The following PCDHGA3 variants were observed in gnomAD, a reference collection of about 807,000 sequenced individuals.
The protein encoded by PCDHGA3 is protocadherin gamma subfamily A, 3, also known as protocadherin gamma-A3.
A neutral mutation model predicts 58.5 loss-of-function variants in PCDHGA3; 40 were observed. The observed-to-expected ratio is 0.68, with a 90% CI of 0.53 to 0.89. The LOEUF (loss-of-function observed/expected upper bound fraction) is 0.89, where lower values mean the gene tolerates loss of function less well. Ranked by LOEUF, PCDHGA3 falls within the 40% of genes least tolerant of loss-of-function variation. The pLI is 0.00. For missense variants in PCDHGA3, 1,223 were observed against 1,195.9 expected, an observed-to-expected ratio of 1.02 and a Z score of -0.33; for synonymous variants, 530 against 525.7, an observed-to-expected ratio of 1.01 and a Z score of -0.11.
At chr5:141,366,170 C>T in intron 1 of PCDHGA3, 1 of 1,614,082 alleles carries the variant, frequency 6.2e-7, no homozygotes, top group Non-Finnish European at 8.5e-7. Flanking sequence ...GGCCAGCGAG[C>T]CAGGACTCTT....
chr5:141,383,003 T>G, intron 1 of PCDHGA3: 2 of 1,613,734 alleles, frequency 1.2e-6, no homozygotes, highest in Non-Finnish European at 1.7e-6. Flanking sequence ...CTCTACTCCG[T>G]GTCGGAGGAG....
intron 1 of PCDHGA3, chr5:141,399,528 C>A: frequency 6.2e-7 from 1 of 1,614,046 alleles, no homozygotes; most frequent in Non-Finnish European, 8.5e-7. Flanking sequence ...GGGCCTCCAT[C>A]GCGCAAGTCT....
intron 1 of PCDHGA3, chr5:141,370,690 A>C: frequency 1.2e-6 from 2 of 1,613,828 alleles, no homozygotes; most frequent in African/African-American, 2.7e-5. Flanking sequence ...TGTGGCAAGA[A>C]GTCGACGTGT....
At chr5:141,360,244 A>G (rs764630528) in intron 1 of PCDHGA3, 3 of 1,613,962 alleles carry the variant, frequency 1.9e-6, no homozygotes, top group Non-Finnish European at 2.5e-6. Context: ...CCGCTATTCA[A>G]TTCCAGAGGA....
rs1367186879 is a variant in PCDHGA3 at position 141,345,830 on chromosome 5, C to G, written c.1797C>G (p.Gly599=). ...TGGTGGCGGTGGACAGAGACTCGGG[C>G]CAGAACGCCTGGCTGTCCTACCGCC... ...TKVVAVDRDS[G]QNAWLSYRLL... Residue 599 remains glycine (G), a synonymous_variant, in exon 1 of 4, where the codon GGC becomes GGG. Transcript: ENST00000253812. 6.2e-7 allele frequency: 1 copy of G among 1,613,454 alleles called. No homozygotes were observed. Among genetic ancestry groups the G allele is most frequent in the African/African-American group, 1.3e-5 (1 of 74,904 alleles).
Position 141,345,751 on chromosome 5 carries a change from C to G in PCDHGA3, c.1718C>G (p.Thr573Ser). The G allele has an allele frequency of 6.2e-7, 1 of 1,614,230 alleles. No individual in the cohort carries two copies. Among genetic ancestry groups the G allele is most frequent in the Non-Finnish European group, 8.5e-7 (1 of 1,180,044 alleles). The change falls in exon 1 of 4, where the codon ACT becomes AGT. Residue 573 changes from threonine (T) to serine (S), a missense_variant. By Grantham distance (58) the Thr-to-Ser change is moderately conservative (BLOSUM62 1). This residue lies in a region of PCDHGA3 where 107 missense variants were observed against 159.8 expected (regional missense o/e 0.67). Transcript: ENST00000253812. ...LYPALPTDGS[T>S]GVELAPRSAE... ...CCCGCCCTCCCCACAGACGGTTCCA[C>G]TGGCGTGGAGCTGGCGCCTCGCTCC...
intron 1 of PCDHGA3, chr5:141,419,682 T>C (rs758536078): frequency 6.2e-7 from 1 of 1,612,950 alleles, no homozygotes; most frequent in Non-Finnish European, 8.5e-7. Flanking sequence ...TCCTACCACG[T>C]GGTGCAGGCC....
At position 141,422,119 on chromosome 5, in the gene PCDHGA3, C is replaced by T. The variant is rs778866054; in HGVS notation, c.2425-72688C>T. 26 of 1,603,658 alleles carry T rather than the reference C, an allele frequency of 1.6e-5. No homozygotes were observed. In the Admixed American group the frequency reaches 4.2e-4, roughly 26 times the overall value. ...TTCTGAAATATTCCAATTGGATTCA[C>T]AAACTGGAGAAGTTCAAGTACGGGG... On this transcript the variant is annotated intron_variant, in intron 1 of 3. Transcript: ENST00000253812.
At chr5:141,422,142 G>T in intron 1 of PCDHGA3, 1 of 1,583,694 alleles carries the variant, frequency 6.3e-7, no homozygotes, top group Non-Finnish European at 8.5e-7. Flanking sequence ...TTCAAGTACG[G>T]GGGTCTCTGG....
rs561817609 is a variant in PCDHGA3, at chr5:141,496,904, G to A, written c.2483+2039G>A. Among the ~76,000 whole-genome samples, 12 of 137,476 alleles carry A rather than the reference G, an allele frequency of 8.7e-5. 1 individual carries two copies. The South Asian group carries it at 2.0e-3, about 23-fold the overall frequency. The allele number at this position is 137,476 out of a possible 152,430, so 90.2% of individuals were successfully genotyped here. On this transcript the variant is annotated intron_variant, in intron 2 of 3. Transcript: ENST00000253812. ...AGTAACACTTAAAAAAAAAAAAAAA[G>A]GCTGGGCACTGTGGTTCACGCCTGT...
intron 1 of PCDHGA3, among the ~76,000 whole-genome samples, chr5:141,457,900 A>C (rs2098931922): frequency 6.7e-6 from 1 of 149,818 alleles, no homozygotes; most frequent in Admixed American, 6.6e-5. Context: ...CTGTGTAGAC[A>C]AGGTGTGAGG....
chr5:141,376,556 A>C, intron 1 of PCDHGA3: 1 of 1,611,100 alleles, frequency 6.2e-7, no homozygotes, highest in Non-Finnish European at 8.5e-7. Context: ...TCTTCCCGCA[A>C]CCCAACTAAT....
At chr5:141,357,014 C>T in intron 1 of PCDHGA3, 2 of 1,614,130 alleles carry the variant, frequency 1.2e-6, no homozygotes, top group Non-Finnish European at 1.7e-6. Context: ...GCCTGGCTGT[C>T]CTACAGCCTA....
At chr5:141,348,342 G>C (rs1389925388) in intron 1 of PCDHGA3, among the ~76,000 whole-genome samples, 2 of 152,158 alleles carry the variant, frequency 1.3e-5, no homozygotes, top group Non-Finnish European at 2.9e-5. Context: ...CATAGCCAGG[G>C]GAGGACTTCT....
chr5:141,362,331 C>A, intron 1 of PCDHGA3: 1 of 1,614,076 alleles, frequency 6.2e-7, no homozygotes. Flanking sequence ...CTGGTCTCAG[C>A]TCCAAGCCTG....
chr5:141,360,072 C>G (rs1257402709), intron 1 of PCDHGA3: 3 of 1,473,362 alleles, frequency 2.0e-6, no homozygotes, highest in Non-Finnish European at 2.7e-6. Flanking sequence ...GACCTTAGCC[C>G]GGATTCTGCC....
intron 1 of PCDHGA3, among the ~76,000 whole-genome samples, chr5:141,456,124 C>G (rs2098844023): frequency 6.6e-6 from 1 of 152,072 alleles, no homozygotes. Context: ...GTCTCCATCT[C>G]CTGACCTCCT....
At chr5:141,418,539 A>G (rs984639830) in intron 1 of PCDHGA3, 14 of 1,614,034 alleles carry the variant, frequency 8.7e-6, no homozygotes, top group Non-Finnish European at 1.0e-5. Context: ...GGTACTGCTC[A>G]GATAAGAATC....
rs61612330 is a variant in PCDHGA3 at position 141,454,796 on chromosome 5, ATTTTTTTT to A, written c.2425-39989_2425-39982del. Reference sequence around the variant, plus strand: ...AAGGAAATAATCCTCCATGGTTCTAATTTTTTTTTTTTTTTTTTTTTTTTTTTTTGAGA... The same window carrying A: ...AAGGAAATAATCCTCCATGGTTCTAATTTTTTTTTTTTTTTTTTTTTGAGA... On this transcript the variant is annotated intron_variant, in intron 1 of 3. Transcript: ENST00000253812. Among the ~76,000 whole-genome samples, 398 of 77,454 alleles carry A rather than the reference ATTTTTTTT, an allele frequency of 5.1e-3. 2 individuals are homozygous for A. The highest frequency in any genetic ancestry group is 0.021 in the African/African-American group (363 of 16,886). 50.8% of individuals were successfully genotyped at this position (77,454 alleles called of 152,430 possible).
Sources: allele counts gnomAD v4.1 joint callset (sites outside exome capture counted in the v4.1 genomes callset), GRCh38; gene constraint gnomAD v4.1.1; regional missense constraint gnomAD v4.1.1; transcripts MANE v1.5; gene names NCBI Gene and HGNC (gene_info 2026-07-23, HGNC 2026-07-21).